The following ABCC9 variants were observed in gnomAD, a reference collection of about 807,000 sequenced individuals.
ABCC9 encodes ATP binding cassette subfamily C member 9.
ABCC9 carries 95 observed loss-of-function variants against 188.3 expected under a neutral mutation model. That is an observed-to-expected ratio of 0.50 (90% confidence interval 0.43 to 0.60). The LOEUF is 0.60. ABCC9 is among the 20% of genes least tolerant of loss of function. ABCC9 has a pLI of 0.00. For missense variants in ABCC9, 1,102 were observed against 1,876.3 expected (o/e 0.59, Z 7.62); for synonymous variants, 659 against 652.7 (o/e 1.01, Z -0.15).
At chr12:21,940,959 T>C (rs995580407) in intron 1 of ABCC9, 134 bp from the exon 2 acceptor site, 1 of 152,216 alleles carries the variant, frequency 6.6e-6, no homozygotes, top group Non-Finnish European at 1.5e-5. Flanking sequence ...TCCAGTTGAT[T>C]TGAGTAGGAG....
intron 22 of ABCC9, among the ~76,000 whole-genome samples, chr12:21,857,682 A>C (rs1313132643): frequency 6.6e-6 from 1 of 152,144 alleles, no homozygotes; most frequent in Non-Finnish European, 1.5e-5. Context: ...AGACGTGACT[A>C]TGTAAAAATA....
chr12:21,814,820 T>G, intron 34 of ABCC9, 98 bp from the exon 35 acceptor site: 1 of 899,004 alleles, frequency 1.1e-6, no homozygotes, highest in South Asian at 1.4e-5. Context: ...ATGATAAAAC[T>G]GTAATTATGT....
chr12:21,799,666 T>A lies in ABCC9; in HGVS notation c.*1378A>T, dbSNP rs890921736. 1 of 152,180 alleles carries A rather than the reference T, an allele frequency of 6.6e-6. No homozygotes were observed. The highest frequency in any genetic ancestry group is 2.4e-5 in the African/African-American group (1 of 41,450). 9.4% of individuals were successfully genotyped at this position (152,180 alleles called of 1,614,324 possible). On this transcript the variant is annotated 3_prime_UTR_variant, in exon 40 of 40. Transcript: ENST00000261200. Reference sequence around the variant, plus strand: ...TTCCAAGAGTGAATACACCATACAATAAACAGAACACAGAAACTATAGGAA... The same window carrying A: ...TTCCAAGAGTGAATACACCATACAAAAAACAGAACACAGAAACTATAGGAA...
chr12:21,934,524 G>A (rs187255082), intron 3 of ABCC9, among the ~76,000 whole-genome samples: 4 of 152,110 alleles, frequency 2.6e-5, no homozygotes, highest in East Asian at 3.9e-4. Flanking sequence ...TAGGTCCACC[G>A]TTAGCTTGCC....
chr12:21,903,170 A>C (rs966254134), intron 12 of ABCC9, among the ~76,000 whole-genome samples: 2 of 152,138 alleles, frequency 1.3e-5, no homozygotes, highest in African/African-American at 4.8e-5. Flanking sequence ...ACAGAACCAA[A>C]GACAAAAACC....
chr12:21,860,235 C>A (rs1234807578), intron 21 of ABCC9, among the ~76,000 whole-genome samples: 4 of 152,162 alleles, frequency 2.6e-5, no homozygotes, highest in African/African-American at 9.7e-5. Flanking sequence ...AACTGAGGCT[C>A]ACAGAACTTA....
chr12:21,936,434 T>G, intron 3 of ABCC9, 99 bp downstream of exon 3: 1 of 1,067,862 alleles, frequency 9.4e-7, no homozygotes, highest in East Asian at 2.6e-5. Flanking sequence ...GCCATCAGCT[T>G]CCATGTTACA....
intron 39 of ABCC9, among the ~76,000 whole-genome samples, chr12:21,802,849 A>AT (rs1941553807): frequency 6.6e-6 from 1 of 152,064 alleles, no homozygotes. Flanking sequence ...GCCCTGGGCC[A>AT]TGTAGATAGG....
Position 21,798,048 on chromosome 12 carries a change from C to G in ABCC9, c.*2996G>C, listed in dbSNP as rs1941238189. ...ATGGTTAATCAATGAAAAACATTAT[C>G]CTTGACCTTATTTAGTCAATTTAGT... On this transcript the variant is annotated 3_prime_UTR_variant, in exon 40 of 40. Transcript: ENST00000261200. 1.3e-5 allele frequency: 2 copies of G among 152,034 alleles called. No individual in the cohort carries two copies. Among genetic ancestry groups the G allele is most frequent in the African/African-American group, 4.8e-5 (2 of 41,412 alleles). 9.4% of individuals were successfully genotyped at this position (152,034 alleles called of 1,614,324 possible).
rs1189432427 is a variant in ABCC9 at position 21,812,158 on chromosome 12, C to T, written c.4103-1G>A. The T allele has an allele frequency of 1.3e-6, 2 of 1,588,912 alleles. No homozygotes were observed. Among genetic ancestry groups the T allele is most frequent in the Non-Finnish European group, 1.7e-6 (2 of 1,157,330 alleles). ...TCTATCCCATCAATGACAATTTTTC[C>T]TGTTAAGGAGAAACAGAAGTTACAC... On this transcript the variant is annotated splice_acceptor_variant, in intron 35 of 39. Transcript: ENST00000261200. LOFTEE classifies it high-confidence loss of function.
intron 28 of ABCC9, among the ~76,000 whole-genome samples, chr12:21,843,294 C>T (rs1944484018): frequency 6.6e-6 from 1 of 152,062 alleles, no homozygotes; most frequent in Non-Finnish European, 1.5e-5. Flanking sequence ...TAATCCTTTC[C>T]TTATTAAGAT....
chr12:21,864,413 A>C (rs1450407586), intron 19 of ABCC9, 26 bp downstream of exon 19: 22 of 1,521,052 alleles, frequency 1.4e-5, no homozygotes, highest in Admixed American at 5.0e-5. Context: ...ATTCTTATTA[A>C]ACTCAGGTTA....
intron 34 of ABCC9, 49 bp downstream of exon 34, chr12:21,815,714 C>T: frequency 2.5e-6 from 4 of 1,604,806 alleles, no homozygotes; most frequent in Non-Finnish European, 3.4e-6. Flanking sequence ...AAAGCAGACT[C>T]CCTCAGAGGT....
chr12:21,878,958 C>A (rs1352089276), intron 16 of ABCC9, among the ~76,000 whole-genome samples: 1 of 152,084 alleles, frequency 6.6e-6, no homozygotes, highest in Admixed American at 6.6e-5. Flanking sequence ...GGAAAGTCAG[C>A]TAATATATAA....
chr12:21,891,044 G>A (rs1947137475), intron 14 of ABCC9, among the ~76,000 whole-genome samples: 2 of 151,956 alleles, frequency 1.3e-5, no homozygotes, highest in South Asian at 4.2e-4. Flanking sequence ...TTCAAGGATG[G>A]CCATTATGGG....
chr12:21,932,345 G>T (rs1450491545), intron 4 of ABCC9, among the ~76,000 whole-genome samples: 3 of 151,808 alleles, frequency 2.0e-5, no homozygotes, highest in Non-Finnish European at 2.9e-5. Context: ...TACCATTCAG[G>T]ACATAGGTAT....
At chr12:21,887,956 G>A in intron 14 of ABCC9, 22 bp from the exon 15 acceptor site, 2 of 1,554,994 alleles carry the variant, frequency 1.3e-6, no homozygotes, top group South Asian at 2.2e-5. Context: ...AATAAACACA[G>A]AATAAGAGTT....
chr12:21,852,624 T>C, intron 22 of ABCC9, 119 bp from the exon 23 acceptor site: 1 of 1,249,076 alleles, frequency 8.0e-7, no homozygotes. Context: ...ATCTAATTTA[T>C]TTAAAAAAAG....
chr12:21,847,109 C>T (rs1421315582), intron 25 of ABCC9, among the ~76,000 whole-genome samples: 1 of 152,074 alleles, frequency 6.6e-6, no homozygotes, highest in Non-Finnish European at 1.5e-5. Context: ...CTTCAACATA[C>T]ATTACTTCAT....
Sources: gnomAD v4.1 joint callset for allele counts (sites outside exome capture counted in the v4.1 genomes callset) on GRCh38, gnomAD v4.1.1 for gene constraint, MANE v1.5 for transcripts, NCBI Gene and HGNC (gene_info 2026-07-23, HGNC 2026-07-21) for gene names.